PLXDC2: variants seen among roughly 807,000 people sequenced by gnomAD.
The protein encoded by PLXDC2 is plexin domain-containing protein 2.
In PLXDC2, 40 loss-of-function variants were observed where a neutral mutation model predicts 68.9. The observed-to-expected ratio is 0.58, with a 90% CI of 0.45 to 0.76. The LOEUF (loss-of-function observed/expected upper bound fraction) is 0.76, where lower values mean the gene tolerates loss of function less well. PLXDC2 is among the 30% of genes least tolerant of loss of function. The probability of loss-of-function intolerance (pLI) is 0.00; values close to 1 mark genes in which losing one functional copy is unlikely to be tolerated. For missense variants in PLXDC2, 644 were observed against 661.9 expected (o/e 0.97, Z 0.30); for synonymous variants, 243 against 234.2 (o/e 1.04, Z -0.34).
At chr10:19,953,457 A>G (rs1362069841) in intron 1 of PLXDC2, among the ~76,000 whole-genome samples, 1 of 152,232 alleles carries the variant, frequency 6.6e-6, no homozygotes, top group Non-Finnish European at 1.5e-5. Context: ...GTGCCCAGAA[A>G]TGGGAGGTGA....
chr10:20,053,467 C>T (rs1465340818), intron 3 of PLXDC2, among the ~76,000 whole-genome samples: 1 of 152,090 alleles, frequency 6.6e-6, no homozygotes, highest in African/African-American at 2.4e-5. Context: ...GTCCTTCATT[C>T]AGAGCCACAC....
chr10:19,928,770 T>TTTTG (rs1833580856), intron 1 of PLXDC2, among the ~76,000 whole-genome samples: 1 of 149,760 alleles, frequency 6.7e-6, no homozygotes, highest in East Asian at 2.0e-4. Context: ...TTTTTTTTTT[T>TTTTG]TTGAAACAGA....
chr10:20,124,661 G>A (rs1035203714), intron 4 of PLXDC2, among the ~76,000 whole-genome samples: 1 of 151,400 alleles, frequency 6.6e-6, no homozygotes, highest in African/African-American at 2.4e-5. Context: ...GGGTGGGGCC[G>A]TTTTATAGGA....
rs76315433 is a variant in PLXDC2, at chr10:20,058,654, A to G, written c.472-9516A>G. On this transcript the variant is annotated intron_variant, in intron 3 of 13. Transcript: ENST00000377252. ...GTTCTCTGAAAGGCAGATTGTTAGC[A>G]ACTGAGAAAAGGAAGGACCTTTCCA... Among the ~76,000 whole-genome samples the G allele has an allele frequency of 3.2e-3, 495 of 152,340 alleles. 6 individuals carry two copies. The highest frequency in any genetic ancestry group is 0.011 in the African/African-American group (446 of 41,588).
intron 6 of PLXDC2, among the ~76,000 whole-genome samples, chr10:20,160,500 A>G (rs1834276392): frequency 6.6e-6 from 1 of 152,140 alleles, no homozygotes; most frequent in South Asian, 2.1e-4. Flanking sequence ...AGTCAAAATC[A>G]TTTGAAAAAA....
intron 1 of PLXDC2, among the ~76,000 whole-genome samples, chr10:19,913,852 A>G (rs1833317921): frequency 1.3e-5 from 2 of 152,302 alleles, no homozygotes; most frequent in Admixed American, 6.5e-5. Context: ...CTGTGGAAAT[A>G]GAAAAGTTAA....
intron 1 of PLXDC2, among the ~76,000 whole-genome samples, chr10:19,955,677 A>G (rs2131598573): frequency 6.6e-6 from 1 of 152,312 alleles, no homozygotes; most frequent in Middle Eastern, 3.4e-3. Flanking sequence ...CTGTAATAAA[A>G]TAAATTCCCA....
intron 2 of PLXDC2, among the ~76,000 whole-genome samples, chr10:20,013,602 G>A (rs1835153583): frequency 6.6e-6 from 1 of 152,012 alleles, no homozygotes; most frequent in Admixed American, 6.5e-5. Flanking sequence ...TACTAGTTCT[G>A]TCATTTAAAA....
intron 6 of PLXDC2, among the ~76,000 whole-genome samples, chr10:20,149,481 C>T (rs540492778): frequency 1.2e-4 from 19 of 152,042 alleles, no homozygotes; most frequent in African/African-American, 4.3e-4. Context: ...TCAGGTGATC[C>T]TCCTGCCTCG....
At chr10:20,003,586 C>G (rs2131638907) in intron 2 of PLXDC2, among the ~76,000 whole-genome samples, 1 of 152,240 alleles carries the variant, frequency 6.6e-6, no homozygotes, top group Admixed American at 6.5e-5. Context: ...GTGTGCACCA[C>G]CACACCGGCT....
intron 13 of PLXDC2, among the ~76,000 whole-genome samples, chr10:20,264,407 C>G (rs1362236866): frequency 1.3e-5 from 2 of 152,062 alleles, no homozygotes; most frequent in Non-Finnish European, 1.5e-5. Flanking sequence ...ACAACAAATC[C>G]TTATTACATG....
intron 4 of PLXDC2, among the ~76,000 whole-genome samples, chr10:20,088,507 A>G (rs1238576642): frequency 6.6e-6 from 1 of 152,210 alleles, no homozygotes; most frequent in Non-Finnish European, 1.5e-5. Context: ...TACATGGGAC[A>G]CTGCTGGGTA....
intron 1 of PLXDC2, among the ~76,000 whole-genome samples, chr10:19,837,195 A>G (rs935507938): frequency 6.6e-6 from 1 of 152,044 alleles, no homozygotes; most frequent in Admixed American, 6.6e-5. Context: ...CCAGCAAGAC[A>G]TTCCTCACCA....
chr10:20,086,928 G>A (rs1339767230), intron 4 of PLXDC2, among the ~76,000 whole-genome samples: 2 of 152,140 alleles, frequency 1.3e-5, no homozygotes, highest in South Asian at 2.1e-4. Context: ...ACCATATAGA[G>A]CCTGTTGGAT....
chr10:19,828,551 T>C (rs1346353054), intron 1 of PLXDC2, among the ~76,000 whole-genome samples: 1 of 152,212 alleles, frequency 6.6e-6, no homozygotes, highest in Non-Finnish European at 1.5e-5. Flanking sequence ...TTTTATTTCT[T>C]GGTTGTTTAG....
chr10:20,108,196 C>G (rs543894024), intron 4 of PLXDC2, among the ~76,000 whole-genome samples: 2 of 152,160 alleles, frequency 1.3e-5, no homozygotes, highest in Non-Finnish European at 2.9e-5. Flanking sequence ...TCCTTTGGCT[C>G]AACTCCTTTC....
At chr10:20,044,223 T>G (rs1160722214) in intron 2 of PLXDC2, among the ~76,000 whole-genome samples, 303 of 29,584 alleles carry the variant, frequency 0.01, 15 homozygotes, top group African/African-American at 0.044. Flanking sequence ...CTTTCTTTCT[T>G]TCTTTCTTTC....
chr10:19,992,882 C>T lies in PLXDC2; in HGVS notation c.113-8893C>T, dbSNP rs547273871. On this transcript the variant is annotated intron_variant, in intron 1 of 13. Coordinates refer to ENST00000377252, the MANE Select transcript of PLXDC2 (RefSeq NM_032812.9). ...CCACTTTGCTTAGATTATTTTTTCT[C>T]CTTTGATTGTTTTCTTGTGTTATAT... Among the ~76,000 whole-genome samples, 199 of 152,010 alleles carry T rather than the reference C, an allele frequency of 1.3e-3. 2 individuals carry two copies. Among genetic ancestry groups the T allele is most frequent in the Non-Finnish European group, 1.7e-3 (117 of 67,962 alleles).
intron 2 of PLXDC2, among the ~76,000 whole-genome samples, chr10:20,041,008 T>C (rs111393428): frequency 0.018 from 2,693 of 152,354 alleles, 74 homozygotes; most frequent in African/African-American, 0.061. Flanking sequence ...AATAGCATTC[T>C]GATTTATAAC....
Sources: gnomAD v4.1 joint callset for allele counts (sites outside exome capture counted in the v4.1 genomes callset) on GRCh38, gnomAD v4.1.1 for gene constraint, MANE v1.5 for transcripts, NCBI Gene and HGNC (gene_info 2026-07-23, HGNC 2026-07-21) for gene names.